The following PREX1 variants were observed in gnomAD, a reference collection of about 807,000 sequenced individuals.
The protein encoded by PREX1 is phosphatidylinositol-3,4,5-trisphosphate dependent Rac exchange factor 1.
Under a neutral mutation model 198.3 loss-of-function variants are expected in PREX1, and 41 were observed. The observed-to-expected ratio is 0.21, with a 90% confidence interval of 0.16 to 0.27. The LOEUF (loss-of-function observed/expected upper bound fraction) is 0.27, where lower values mean the gene tolerates loss of function less well. PREX1 is among the 10% of genes least tolerant of loss of function. The pLI is 1.00. For missense variants in PREX1, 1,620 were observed against 2,200.7 expected, an observed-to-expected ratio of 0.74 and a Z score of 5.28; for synonymous variants, 843 against 887.2, an observed-to-expected ratio of 0.95 and a Z score of 0.89.
At chr20:48,724,743 T>C (rs370419803) in intron 5 of PREX1, among the ~76,000 whole-genome samples, 26 of 152,384 alleles carry the variant, frequency 1.7e-4, no homozygotes, top group African/African-American at 6.0e-4. Context: ...TACAGTACAC[T>C]GTCTCTTAAT....
intron 1 of PREX1, among the ~76,000 whole-genome samples, chr20:48,808,773 C>A (rs537123038): frequency 6.6e-6 from 1 of 152,252 alleles, no homozygotes; most frequent in Non-Finnish European, 1.5e-5. Flanking sequence ...TGCTCTGCCC[C>A]TGGCCATTCC....
chr20:48,765,313 C>G (rs1467144484), intron 1 of PREX1, among the ~76,000 whole-genome samples: 1 of 152,208 alleles, frequency 6.6e-6, no homozygotes, highest in East Asian at 1.9e-4. Context: ...TCATTAAGGA[C>G]AGATGGTCTA....
At chr20:48,742,791 G>A (rs2090088370) in intron 3 of PREX1, among the ~76,000 whole-genome samples, 1 of 152,150 alleles carries the variant, frequency 6.6e-6, no homozygotes, top group African/African-American at 2.4e-5. Context: ...AGAGAGAGGT[G>A]AGAATAGCCC....
intron 13 of PREX1, 73 bp downstream of exon 13, chr20:48,679,287 T>G: frequency 7.3e-7 from 1 of 1,377,012 alleles, no homozygotes; most frequent in Non-Finnish European, 1.0e-6. Context: ...TCAGAGAGGT[T>G]AAGTTGCCAG....
chr20:48,759,871 G>A (rs977918253), intron 1 of PREX1, among the ~76,000 whole-genome samples: 11 of 152,216 alleles, frequency 7.2e-5, no homozygotes, highest in African/African-American at 2.4e-4. Flanking sequence ...GTGGGAGGCC[G>A]AGGCAGGCTG....
chr20:48,856,229 G>A, the PREX1 span, among the ~76,000 whole-genome samples: 3 of 152,228 alleles, frequency 2.0e-5, no homozygotes, highest in East Asian at 1.9e-4. Context: ...GCCAAACTAG[G>A]GTGAGGACAG....
chr20:48,852,607 C>T, the PREX1 span, among the ~76,000 whole-genome samples: 2 of 152,194 alleles, frequency 1.3e-5, no homozygotes, highest in Admixed American at 6.6e-5. Flanking sequence ...TGTAATGCTG[C>T]AGTTCTAACA....
the PREX1 span, among the ~76,000 whole-genome samples, chr20:48,866,004 A>G: frequency 6.7e-6 from 1 of 150,206 alleles, no homozygotes; most frequent in Non-Finnish European, 1.5e-5. Context: ...GCTGGAGTGC[A>G]ATGGTGAGAT....
chr20:48,770,166 T>C (rs1449071369), intron 1 of PREX1, among the ~76,000 whole-genome samples: 1 of 152,228 alleles, frequency 6.6e-6, no homozygotes, highest in East Asian at 1.9e-4. Flanking sequence ...GTGGGTCTGA[T>C]GCCCAGGAAG....
chr20:48,853,866 G>C, the PREX1 span, among the ~76,000 whole-genome samples: 2 of 151,548 alleles, frequency 1.3e-5, no homozygotes, highest in Admixed American at 6.6e-5. Context: ...GCAGACCTTG[G>C]GTGGTGAGAA....
chr20:48,852,614 A>G, the PREX1 span, among the ~76,000 whole-genome samples: 1 of 152,196 alleles, frequency 6.6e-6, no homozygotes, highest in Non-Finnish European at 1.5e-5. Flanking sequence ...CTGCAGTTCT[A>G]ACAAAGCTCC....
chr20:48,632,540 T>A lies in PREX1; in HGVS notation c.4367A>T (p.Glu1456Val). 6.2e-7 allele frequency: 1 copy of A among 1,613,988 alleles called. No individual in the cohort carries two copies. Among genetic ancestry groups the A allele is most frequent in the Non-Finnish European group, 8.5e-7 (1 of 1,179,998 alleles). Residue 1456 changes from glutamate to valine, a missense_variant, in exon 34 of 40, where the codon GAG (glutamate) becomes GTG (valine). This residue lies in a region of PREX1 where 476 missense variants were observed against 603.4 expected (regional missense o/e 0.79). Transcript: ENST00000371941. ...YHFSKLPSRL[E>V]GGASLRLHTA... ...GTGCAGCCTCAGGCTGGCCCCACCC[T>A]CCAGGCGGGAGGGCAGCTTGGAGAA...
chr20:48,726,447 G>A lies in PREX1; in HGVS notation c.520-56C>T, dbSNP rs539904502. On this transcript the variant is annotated intron_variant, in intron 4 of 39. Transcript: ENST00000371941. ...CCACCAAGGATAGCACAGGGACATA[G>A]CCACCCTCAACCATGAGAAACGCTC... 7.7e-6 allele frequency: 10 copies of A among 1,296,992 alleles called. No homozygotes were observed. The East Asian group carries it at 2.1e-4, about 28-fold the overall frequency. The allele number at this position is 1,296,992 out of a possible 1,614,324, so 80.3% of individuals were successfully genotyped here.
chr20:48,646,747 C>T (rs1410651571), intron 25 of PREX1, among the ~76,000 whole-genome samples: 1 of 152,074 alleles, frequency 6.6e-6, no homozygotes, highest in Non-Finnish European at 1.5e-5. Context: ...GCCCCTAGGC[C>T]ATAGCTCATC....
chr20:48,775,657 G>A (rs1298824765), intron 1 of PREX1, among the ~76,000 whole-genome samples: 3 of 133,688 alleles, frequency 2.2e-5, no homozygotes, highest in Non-Finnish European at 5.2e-5. Flanking sequence ...AATGGGGGCA[G>A]GTCTTTCCCG....
intron 1 of PREX1, among the ~76,000 whole-genome samples, chr20:48,757,441 A>G (rs1228573794): frequency 1.3e-5 from 2 of 152,228 alleles, no homozygotes; most frequent in Admixed American, 1.3e-4. Flanking sequence ...CTGCATAACA[A>G]TCCCACAAGG....
At chr20:48,640,125 C>G (rs1290746620) in intron 29 of PREX1, among the ~76,000 whole-genome samples, 1 of 152,218 alleles carries the variant, frequency 6.6e-6, no homozygotes, top group African/African-American at 2.4e-5. Context: ...TCCTGCTGCT[C>G]TGAGACCAAG....
At position 48,649,587 on chromosome 20, in the gene PREX1, G is replaced by A. The variant is rs777661677; in HGVS notation, c.3029-11C>T. On this transcript the variant is annotated splice_polypyrimidine_tract_variant and intron_variant, in intron 24 of 39. Transcript: ENST00000371941. Reference sequence around the variant, plus strand: ...TGGGGTTCAGGTGGCCTGCAGTGGAGGAAGAGAGAGCTCACTGGAAAACAG... The same window carrying A: ...TGGGGTTCAGGTGGCCTGCAGTGGAAGAAGAGAGAGCTCACTGGAAAACAG... 2.2e-5 allele frequency: 35 copies of A among 1,569,348 alleles called. 1 individual carries two copies. In the South Asian group the frequency reaches 3.9e-4, roughly 18 times the overall value.
chr20:48,704,593 C>G (rs1483851729), intron 6 of PREX1, among the ~76,000 whole-genome samples: 2 of 149,640 alleles, frequency 1.3e-5, no homozygotes, highest in Non-Finnish European at 1.5e-5. Flanking sequence ...GAGTCTAGCT[C>G]TGTCGACCAG....
Sources: gnomAD v4.1 joint callset for allele counts (sites outside exome capture counted in the v4.1 genomes callset) on GRCh38, gnomAD v4.1.1 for gene constraint, gnomAD v4.1.1 regional missense constraint, MANE v1.5 for transcripts, NCBI Gene and HGNC (gene_info 2026-07-23, HGNC 2026-07-21) for gene names.